EFCAB6: variants seen among roughly 807,000 people sequenced by gnomAD.
EFCAB6 encodes EF-hand calcium binding domain 6.
Under a neutral mutation model 169.8 loss-of-function variants are expected in EFCAB6, and 156 were observed. The ratio of observed to expected loss-of-function variants is 0.92; its 90% confidence interval spans 0.81 to 1.05. EFCAB6 has a LOEUF of 1.05. Among genes scored for constraint, EFCAB6 ranks in the 50% least tolerant of loss-of-function variants. The pLI, the probability that EFCAB6 is intolerant of heterozygous loss-of-function variation, is 0.00. For missense variants in EFCAB6, 1,800 were observed against 1,829.1 expected (o/e 0.98, Z 0.29); for synonymous variants, 698 against 676.4 (o/e 1.03, Z -0.50).
chr22:43,610,848 A>G (rs2053250816), intron 21 of EFCAB6, among the ~76,000 whole-genome samples: 1 of 152,262 alleles, frequency 6.6e-6, no homozygotes, highest in Non-Finnish European at 1.5e-5. Context: ...AACAACAAGT[A>G]AAAATCTGAA....
intron 8 of EFCAB6, among the ~76,000 whole-genome samples, chr22:43,721,057 T>C (rs1182077909): frequency 6.6e-6 from 1 of 152,154 alleles, no homozygotes; most frequent in Non-Finnish European, 1.5e-5. Flanking sequence ...TGTACAAAAA[T>C]CAGTGGCATT....
chr22:43,708,541 A>C lies in EFCAB6; in HGVS notation c.1031+2934T>G, dbSNP rs191032129. On this transcript the variant is annotated intron_variant, in intron 10 of 31. Transcript: ENST00000262726. ...ATCACAATAAATGAAAACAGACTAA[A>C]CTTGACAGTGAAAAAAGCAAAGATG... Among the ~76,000 whole-genome samples, 88 of 152,284 alleles carry C rather than the reference A, an allele frequency of 5.8e-4. 1 individual carries two copies. The highest frequency in any genetic ancestry group is 1.1e-3 in the Non-Finnish European group (73 of 68,016).
At chr22:43,788,014 CT>C (rs1373194281) in intron 2 of EFCAB6, among the ~76,000 whole-genome samples, 1 of 152,244 alleles carries the variant, frequency 6.6e-6, no homozygotes, top group South Asian at 2.1e-4. Context: ...AAAAAGTAGT[CT>C]TTTCAACGAA....
Position 43,731,742 on chromosome 22 carries a change from G to T in EFCAB6, c.714C>A (p.Ser238Arg). 6.2e-7 allele frequency: 1 copy of T among 1,603,584 alleles called. No homozygotes were observed. Among genetic ancestry groups the T allele is most frequent in the South Asian group, 1.1e-5 (1 of 87,862 alleles). The change falls in exon 8 of 32, where the codon AGC (serine) becomes AGA (arginine). Residue 238 changes from serine (S) to arginine (R), a missense_variant. Transcript: ENST00000262726. Reference protein sequence around the residue: ...VDYNVFLKNLSINNDLNLRYC... With the variant: ...VDYNVFLKNLRINNDLNLRYC... Reference sequence around the variant, plus strand: ...ATCTAAGGTTCAAGTCGTTATTTATGCTGAGATTCTTCAAAAACACGTTGT... The same window carrying T: ...ATCTAAGGTTCAAGTCGTTATTTATTCTGAGATTCTTCAAAAACACGTTGT...
chr22:43,765,796 C>G (rs899303635), intron 4 of EFCAB6, among the ~76,000 whole-genome samples: 5 of 152,022 alleles, frequency 3.3e-5, no homozygotes, highest in African/African-American at 1.2e-4. Flanking sequence ...TTTGTACATA[C>G]AGTTTTAAGG....
chr22:43,697,430 A>C (rs937642226), intron 10 of EFCAB6, among the ~76,000 whole-genome samples: 2 of 152,342 alleles, frequency 1.3e-5, no homozygotes, highest in East Asian at 3.9e-4. Context: ...ATACACGCAC[A>C]AAAGAAATTC....
intron 26 of EFCAB6, chr22:43,570,092 C>T (rs1170491831): frequency 6.6e-6 from 1 of 152,090 alleles, no homozygotes; most frequent in African/African-American, 2.4e-5. Flanking sequence ...TTTACCATCC[C>T]TTTGGTTGAA....
At chr22:43,700,751 C>T (rs1044285593) in intron 10 of EFCAB6, among the ~76,000 whole-genome samples, 3 of 152,164 alleles carry the variant, frequency 2.0e-5, no homozygotes, top group Admixed American at 6.5e-5. Flanking sequence ...TTTCACTTAG[C>T]ACAATGTCTT....
At chr22:43,541,642 G>T (rs963606841) in intron 27 of EFCAB6, among the ~76,000 whole-genome samples, 2 of 152,186 alleles carry the variant, frequency 1.3e-5, no homozygotes, top group African/African-American at 4.8e-5. Flanking sequence ...TGTGACTGCG[G>T]TGTCTCAGAC....
chr22:43,657,312 C>T (rs1603015910), intron 17 of EFCAB6, among the ~76,000 whole-genome samples: 1 of 152,080 alleles, frequency 6.6e-6, no homozygotes, highest in South Asian at 2.1e-4. Context: ...CCCAAAATGA[C>T]TATACGTGTT....
In EFCAB6 at chr22:43,803,641, C is replaced by T. The variant is rs557172838; in HGVS notation, c.-8+5354G>A. ...GATATAACAATTATAAATATATATG[C>T]ACACCATGCCAGAGCTCACAAAGAC... On this transcript the variant is annotated intron_variant, in intron 2 of 31. Transcript: ENST00000262726. Among the ~76,000 whole-genome samples the T allele has an allele frequency of 4.6e-5, 7 of 152,064 alleles. No individual in the cohort carries two copies. The East Asian group carries it at 1.4e-3, about 29-fold the overall frequency.
chr22:43,761,901 C>G (rs5764276), intron 5 of EFCAB6, among the ~76,000 whole-genome samples: 7 of 152,022 alleles, frequency 4.6e-5, no homozygotes, highest in African/African-American at 1.7e-4. Context: ...TTTGGAGACC[C>G]GATTCTATTG....
intron 17 of EFCAB6, among the ~76,000 whole-genome samples, chr22:43,654,006 T>C (rs908832954): frequency 6.6e-6 from 1 of 152,142 alleles, no homozygotes; most frequent in Non-Finnish European, 1.5e-5. Context: ...AACCACAGCT[T>C]GTTTTAGAAA....
At chr22:43,606,971 T>TC (rs1406706179) in intron 22 of EFCAB6, among the ~76,000 whole-genome samples, 1 of 151,800 alleles carries the variant, frequency 6.6e-6, no homozygotes, top group African/African-American at 2.4e-5. Context: ...GTTCGTCCTC[T>TC]CCCCCCGGTG....
intron 5 of EFCAB6, among the ~76,000 whole-genome samples, chr22:43,760,401 A>G (rs1231722180): frequency 7.2e-5 from 11 of 152,158 alleles, no homozygotes; most frequent in African/African-American, 1.4e-4. Flanking sequence ...TTTTCTTCTC[A>G]CTGCCTATAA....
intron 20 of EFCAB6, among the ~76,000 whole-genome samples, chr22:43,623,722 C>T (rs985310002): frequency 3.7e-4 from 53 of 141,664 alleles, no homozygotes; most frequent in Non-Finnish European, 6.5e-4. Flanking sequence ...AGTGAAACCC[C>T]GTCTCTACTA....
chr22:43,539,297 C>T (rs1422301205), intron 28 of EFCAB6, among the ~76,000 whole-genome samples: 13 of 152,208 alleles, frequency 8.5e-5, no homozygotes, highest in Non-Finnish European at 1.5e-4. Context: ...CTCTACTTAC[C>T]GCCTTTTAAT....
At position 43,608,470 on chromosome 22, in the gene EFCAB6, C is replaced by A; in HGVS notation, c.2681+12G>T. 1.2e-6 allele frequency: 2 copies of A among 1,612,976 alleles called. No individual in the cohort carries two copies. Among genetic ancestry groups the A allele is most frequent in the Non-Finnish European group, 1.7e-6 (2 of 1,179,056 alleles). On this transcript the variant is annotated intron_variant, in intron 22 of 31. Coordinates refer to ENST00000262726, the MANE Select transcript of EFCAB6 (RefSeq NM_022785.4). ...TAAGAATGGAAACCAACCAGTCTCA[C>A]GTGCCACTTACCTTGCCCAAAGCTT...
chr22:43,595,494 C>T (rs536065237), intron 23 of EFCAB6, among the ~76,000 whole-genome samples: 1 of 152,040 alleles, frequency 6.6e-6, no homozygotes, highest in Non-Finnish European at 1.5e-5. Flanking sequence ...AAACTATATG[C>T]TGACAAATGG....
Sources: allele counts gnomAD v4.1 joint callset (sites outside exome capture counted in the v4.1 genomes callset), GRCh38; gene constraint gnomAD v4.1.1; transcripts MANE v1.5; gene names NCBI Gene and HGNC (gene_info 2026-07-23, HGNC 2026-07-21).